The following TMEM132E variants were observed in gnomAD, a reference collection of about 807,000 sequenced individuals.
TMEM132E encodes transmembrane protein 132E.
A neutral mutation model predicts 78.5 loss-of-function variants in TMEM132E; 49 were observed. The ratio of observed to expected loss-of-function variants is 0.62; its 90% confidence interval spans 0.50 to 0.79. The LOEUF (loss-of-function observed/expected upper bound fraction) is 0.79. Ranked by LOEUF, TMEM132E falls within the 30% of genes least tolerant of loss-of-function variation. The pLI is 0.00. For synonymous variants in TMEM132E, 715 were observed against 670.6 expected (o/e 1.07, Z -1.02); for missense variants, 1,403 against 1,470.9 (o/e 0.95, Z 0.75).
intron 1 of TMEM132E, among the ~76,000 whole-genome samples, chr17:34,600,385 C>A (rs906382363): frequency 6.6e-6 from 1 of 150,842 alleles, no homozygotes; most frequent in South Asian, 2.1e-4. Context: ...TTCTAAAGAA[C>A]TTTTGATAAG....
chr17:34,621,517 G>A (rs1906958541), intron 1 of TMEM132E, among the ~76,000 whole-genome samples: 1 of 152,188 alleles, frequency 6.6e-6, no homozygotes. Flanking sequence ...AGGATCTCAA[G>A]GGCAGGGCAC....
chr17:34,613,211 A>ACACACACGCACGCGCG, intron 1 of TMEM132E, among the ~76,000 whole-genome samples: 2 of 115,856 alleles, frequency 1.7e-5, no homozygotes, highest in Non-Finnish European at 3.7e-5. Context: ...ACACACACAC[A>ACACACACGCACGCGCG]CGCGCGCGCG....
intron 1 of TMEM132E, among the ~76,000 whole-genome samples, chr17:34,608,470 G>A (rs1028315751): frequency 7.9e-5 from 12 of 152,106 alleles, no homozygotes; most frequent in African/African-American, 1.9e-4. Flanking sequence ...TAAACCACTC[G>A]GCACATGCAA....
intron 6 of TMEM132E, 52 bp from the exon 7 acceptor site, chr17:34,634,747 G>T: frequency 6.4e-7 from 1 of 1,551,866 alleles, no homozygotes; most frequent in East Asian, 2.3e-5. Flanking sequence ...TGTGTACTGT[G>T]CAGGTCAGAG....
At chr17:34,615,897 C>A (rs1474962893) in intron 1 of TMEM132E, among the ~76,000 whole-genome samples, 2 of 152,014 alleles carry the variant, frequency 1.3e-5, no homozygotes, top group African/African-American at 4.8e-5. Flanking sequence ...GTGTGCCAGG[C>A]ACCGCTGAAA....
intron 1 of TMEM132E, among the ~76,000 whole-genome samples, chr17:34,607,508 C>A (rs1368592975): frequency 6.6e-6 from 1 of 152,220 alleles, no homozygotes; most frequent in Non-Finnish European, 1.5e-5. Context: ...CTCTCCAGTT[C>A]TCTGTGGGCA....
Position 34,634,941 on chromosome 17 carries a change from C to G in TMEM132E, c.1831C>G (p.Gln611Glu). 6.2e-7 allele frequency: 1 copy of G among 1,614,212 alleles called. No homozygotes were observed. Among genetic ancestry groups the G allele is most frequent in the South Asian group, 1.1e-5 (1 of 91,084 alleles). The change falls in exon 7 of 9, where the codon CAG (glutamine) becomes GAG (glutamate). Residue 611 changes from glutamine (Q) to glutamate (E), a missense_variant. Around this residue, in one of 3 missense-constraint regions of TMEM132E, gnomAD observed 888 missense variants for 952.8 expected, o/e 0.93. Coordinates refer to ENST00000631683, the MANE Select transcript of TMEM132E (RefSeq NM_001304438.2). Reference protein sequence around the residue: ...FHTTSSEGTDQVVTMLGPDWL... With the variant: ...FHTTSSEGTDEVVTMLGPDWL... ...CACGACATCATCCGAGGGCACTGACCAGGTGGTCACCATGTTAGGCCCGGA... is the reference window on the plus strand; with the variant it reads ...CACGACATCATCCGAGGGCACTGACGAGGTGGTCACCATGTTAGGCCCGGA...
chr17:34,600,357 C>T (rs1304043673), intron 1 of TMEM132E, among the ~76,000 whole-genome samples: 1 of 151,944 alleles, frequency 6.6e-6, no homozygotes, highest in Non-Finnish European at 1.5e-5. Flanking sequence ...AATGTGTTTC[C>T]AAGCTCTAAT....
intron 1 of TMEM132E, among the ~76,000 whole-genome samples, chr17:34,623,362 C>G (rs1191957782): frequency 6.6e-6 from 1 of 151,524 alleles, no homozygotes; most frequent in East Asian, 2.0e-4. Context: ...GCTCTGGGGT[C>G]TCCAGGGGAT....
chr17:34,617,867 T>C (rs1269098444), intron 1 of TMEM132E, among the ~76,000 whole-genome samples: 2 of 152,248 alleles, frequency 1.3e-5, no homozygotes, highest in Non-Finnish European at 2.9e-5. Context: ...GTGTGTTCAT[T>C]GCAGACAACT....
At chr17:34,586,761 A>G (rs897472879) in intron 1 of TMEM132E, among the ~76,000 whole-genome samples, 1 of 152,128 alleles carries the variant, frequency 6.6e-6, no homozygotes, top group African/African-American at 2.4e-5. Context: ...AGATAATTCA[A>G]TGCTTGTTGC....
rs1209653320 is a variant in TMEM132E at position 34,579,696 on chromosome 17, C to G, written c.-1381C>G. 6.5e-6 allele frequency: 1 copy of G among 154,910 alleles called. No homozygotes were observed. Among genetic ancestry groups the G allele is most frequent in the Non-Finnish European group, 1.4e-5 (1 of 69,980 alleles). The allele number at this position is 154,910 out of a possible 1,614,324, so 9.6% of individuals were successfully genotyped here. ...TCCTCTTCCTTTTTGCTCCTCGATT[C>G]TTCTTCTTCCCCCACACACGTCCAT... On this transcript the variant is annotated 5_prime_UTR_variant, in exon 1 of 9. Transcript: ENST00000631683.
At chr17:34,589,447 A>G (rs1441103147) in intron 1 of TMEM132E, among the ~76,000 whole-genome samples, 1 of 152,144 alleles carries the variant, frequency 6.6e-6, no homozygotes, top group East Asian at 1.9e-4. Flanking sequence ...ATGCTAAGCA[A>G]CCTTCAGTGT....
At position 34,638,431 on chromosome 17, in the gene TMEM132E, C is replaced by T; in HGVS notation, c.*199C>T. ...CGCCTCACGCCATTACCCTCTTCTG[C>T]CCCCTGCAGGTGGAGGGCTCTTCCT... On this transcript the variant is annotated 3_prime_UTR_variant, in exon 9 of 9. Transcript: ENST00000631683. The T allele has an allele frequency of 3.7e-6, 2 of 542,260 alleles. No homozygotes were observed. The highest frequency in any genetic ancestry group is 3.6e-5 in the Admixed American group (1 of 27,690). 33.6% of individuals were successfully genotyped at this position (542,260 alleles called of 1,614,324 possible). A position where few individuals can be genotyped will look rare whatever the true frequency, so the allele number is the denominator to read the frequency against.
intron 2 of TMEM132E, among the ~76,000 whole-genome samples, chr17:34,627,466 T>TCGTGTGCGCGCGCGCG (rs1555564400): frequency 8.0e-5 from 2 of 24,986 alleles, no homozygotes; most frequent in African/African-American, 2.6e-4. Flanking sequence ...GCCAAAAGAA[T>TCGTGTGCGCGCGCGCG]CGTGTGTGTG....
intron 1 of TMEM132E, among the ~76,000 whole-genome samples, chr17:34,616,686 G>A (rs909256896): frequency 1.3e-5 from 2 of 152,106 alleles, no homozygotes; most frequent in Admixed American, 1.3e-4. Context: ...GAAGGTTTGA[G>A]CTGCTTTGGA....
intron 1 of TMEM132E, among the ~76,000 whole-genome samples, chr17:34,621,886 G>A (rs1367191186): frequency 3.9e-5 from 6 of 152,050 alleles, no homozygotes; most frequent in South Asian, 2.1e-4. Context: ...AGTGTTGTGC[G>A]TCCAAGGTGG....
rs141660468 is a variant in TMEM132E at position 34,595,377 on chromosome 17, T to TC, written c.67+14235dup. On this transcript the variant is annotated intron_variant, in intron 1 of 8. Transcript: ENST00000631683. ...AAAGTACCAGCATGTGCCTGGATGCTCAATAAACAGGACAGATACTCTGAT... is the reference window on the plus strand; with the variant it reads ...AAAGTACCAGCATGTGCCTGGATGCTCCAATAAACAGGACAGATACTCTGAT... Among the ~76,000 whole-genome samples the TC allele has an allele frequency of 4.5e-3, 680 of 152,346 alleles. 7 individuals carry two copies. Among genetic ancestry groups the TC allele is most frequent in the African/African-American group, 0.016 (651 of 41,578 alleles).
At chr17:34,603,529 G>C (rs1216706105) in intron 1 of TMEM132E, among the ~76,000 whole-genome samples, 2 of 152,172 alleles carry the variant, frequency 1.3e-5, no homozygotes, top group Non-Finnish European at 2.9e-5. Context: ...CAGGAAGAGG[G>C]GCTGTGTGCC....
Sources: allele counts gnomAD v4.1 joint callset (sites outside exome capture counted in the v4.1 genomes callset), GRCh38; gene constraint gnomAD v4.1.1; regional missense constraint gnomAD v4.1.1; transcripts MANE v1.5; gene names NCBI Gene and HGNC (gene_info 2026-07-23, HGNC 2026-07-21).